TMEM132D: variants seen among roughly 807,000 people sequenced by gnomAD.
TMEM132D encodes transmembrane protein 132D.
TMEM132D carries 21 observed loss-of-function variants against 62.3 expected under a neutral mutation model. That is an observed-to-expected ratio of 0.34 (90% confidence interval 0.24 to 0.49). The LOEUF (loss-of-function observed/expected upper bound fraction) is 0.49. Among genes scored for constraint, TMEM132D ranks in the 20% least tolerant of loss-of-function variants. The pLI is 0.99. For synonymous variants in TMEM132D, 621 were observed against 575.6 expected, an observed-to-expected ratio of 1.08 and a Z score of -1.13; for missense variants, 1,346 against 1,402.8, an observed-to-expected ratio of 0.96 and a Z score of 0.65.
intron 3 of TMEM132D, among the ~76,000 whole-genome samples, chr12:129,428,016 C>A (rs1872547269): frequency 6.6e-6 from 1 of 151,974 alleles, no homozygotes; most frequent in East Asian, 1.9e-4. Flanking sequence ...TATAAAAATT[C>A]ATATATAATA....
At chr12:129,754,008 T>G (rs950147206) in intron 1 of TMEM132D, among the ~76,000 whole-genome samples, 1 of 152,186 alleles carries the variant, frequency 6.6e-6, no homozygotes, top group Non-Finnish European at 1.5e-5. Context: ...AACTTTGGCT[T>G]TTGAGTTTTA....
At chr12:129,539,410 T>C (rs564416542) in intron 2 of TMEM132D, among the ~76,000 whole-genome samples, 6 of 146,774 alleles carry the variant, frequency 4.1e-5, no homozygotes, top group African/African-American at 1.3e-4. Flanking sequence ...TTTTTCTTTT[T>C]TTTTTTTTTT....
chr12:129,566,439 G>A (rs887018142), intron 2 of TMEM132D, among the ~76,000 whole-genome samples: 1 of 117,392 alleles, frequency 8.5e-6, no homozygotes, highest in African/African-American at 3.0e-5. Context: ...TATAAAAAGA[G>A]GGGGGTCAGA....
At chr12:129,746,698 G>A (rs1430340788) in intron 1 of TMEM132D, among the ~76,000 whole-genome samples, 1 of 152,032 alleles carries the variant, frequency 6.6e-6, no homozygotes, top group Non-Finnish European at 1.5e-5. Flanking sequence ...CAGGTTTTTG[G>A]TGATAAGGGT....
chr12:129,357,958 A>T (rs1870127716), intron 3 of TMEM132D, among the ~76,000 whole-genome samples: 1 of 152,214 alleles, frequency 6.6e-6, no homozygotes, highest in South Asian at 2.1e-4. Flanking sequence ...TTATCACAGG[A>T]TTAAAGTTTC....
At chr12:129,193,774 T>C (rs1593291967) in intron 5 of TMEM132D, among the ~76,000 whole-genome samples, 1 of 152,332 alleles carries the variant, frequency 6.6e-6, no homozygotes, top group East Asian at 1.9e-4. Flanking sequence ...TCCAGGAATA[T>C]AGAAATGAGT....
chr12:129,468,795 T>C (rs979072252), intron 3 of TMEM132D, among the ~76,000 whole-genome samples: 3 of 152,346 alleles, frequency 2.0e-5, no homozygotes, highest in East Asian at 1.9e-4. Context: ...TTCTAAGTGC[T>C]CCAAGCTGAA....
At position 129,725,014 on chromosome 12, in the gene TMEM132D, C is replaced by A. The variant is rs140532111; in HGVS notation, c.80-24316G>T. Among the ~76,000 whole-genome samples, 1,233 of 152,260 alleles carry A rather than the reference C, an allele frequency of 8.1e-3. 21 individuals are homozygous for A. The highest frequency in any genetic ancestry group is 0.028 in the African/African-American group (1,166 of 41,538). On this transcript the variant is annotated intron_variant, in intron 1 of 8. Transcript: ENST00000422113. ...ACTACTTCCAGGCCTGGCCCCAGAGCCCCTGGGCTACCCTCTGGTTGTCTC... is the reference window on the plus strand; with the variant it reads ...ACTACTTCCAGGCCTGGCCCCAGAGACCCTGGGCTACCCTCTGGTTGTCTC...
intron 5 of TMEM132D, among the ~76,000 whole-genome samples, chr12:129,094,092 A>G (rs1163663752): frequency 6.6e-6 from 1 of 152,088 alleles, no homozygotes; most frequent in Non-Finnish European, 1.5e-5. Flanking sequence ...AAGAAAACCT[A>G]GGCTTTACCA....
At chr12:129,575,203 T>C (rs1298382185) in intron 2 of TMEM132D, among the ~76,000 whole-genome samples, 1 of 151,798 alleles carries the variant, frequency 6.6e-6, no homozygotes, top group African/African-American at 2.4e-5. Context: ...GAATACAGTA[T>C]CTAATACATA....
chr12:129,851,585 G>A (rs1276918854), intron 1 of TMEM132D, among the ~76,000 whole-genome samples: 1 of 152,108 alleles, frequency 6.6e-6, no homozygotes, highest in African/African-American at 2.4e-5. Flanking sequence ...CAAAGTGTTA[G>A]CAGTAGTAAA....
intron 3 of TMEM132D, among the ~76,000 whole-genome samples, chr12:129,377,435 G>A (rs896557363): frequency 6.6e-6 from 1 of 152,162 alleles, no homozygotes; most frequent in African/African-American, 2.4e-5. Context: ...GTCAAGGGGA[G>A]GTCTTAGAGA....
chr12:129,631,373 C>T (rs999399341), intron 2 of TMEM132D, among the ~76,000 whole-genome samples: 6 of 152,298 alleles, frequency 3.9e-5, no homozygotes, highest in Non-Finnish European at 7.3e-5. Flanking sequence ...AACCTGCAGT[C>T]GTAAAGCCTG....
rs377275767 is a variant in TMEM132D, at chr12:129,117,892, A to G, written c.1444-33190T>C. The stretch of plus-strand genomic sequence containing the variant: ...TTGTTAATTACTATTTGTCATAAAA[A>G]TGGGGAGTTGGTATCAACTCATGGC... On this transcript the variant is annotated intron_variant, in intron 5 of 8. Coordinates refer to ENST00000422113, the MANE Select transcript of TMEM132D (RefSeq NM_133448.3). 8.5e-5 allele frequency among the ~76,000 whole-genome samples: 13 copies of G among 152,350 alleles called. No individual in the cohort carries two copies. The South Asian group carries it at 2.7e-3, about 32-fold the overall frequency.
intron 4 of TMEM132D, among the ~76,000 whole-genome samples, chr12:129,257,998 T>C (rs142510883): frequency 1.6e-4 from 24 of 152,324 alleles, no homozygotes; most frequent in Non-Finnish European, 3.4e-4. Context: ...GGTTGGGTTA[T>C]CTATCTCTTG....
intron 1 of TMEM132D, among the ~76,000 whole-genome samples, chr12:129,813,587 A>T (rs973075792): frequency 7.4e-6 from 1 of 134,244 alleles, no homozygotes; most frequent in African/African-American, 2.7e-5. Context: ...TGCCCAGTGA[A>T]GGATGGACGG....
intron 3 of TMEM132D, among the ~76,000 whole-genome samples, chr12:129,420,669 G>A (rs1204263162): frequency 3.3e-5 from 5 of 152,096 alleles, no homozygotes; most frequent in Non-Finnish European, 2.9e-5. Flanking sequence ...CCCAACCAAC[G>A]CTCAGCAAGC....
At position 129,608,535 on chromosome 12, in the gene TMEM132D, A is replaced by G. The variant is rs567400332; in HGVS notation, c.969-77330T>C. 3.9e-5 allele frequency among the ~76,000 whole-genome samples: 6 copies of G among 152,332 alleles called. No individual in the cohort carries two copies. In the South Asian group the frequency reaches 1.2e-3, roughly 32 times the overall value. Reference sequence around the variant, plus strand: ...GATGAGAGACTGGCTTGCTCGCTGGATGGAAATGCAGTCAATTTTCTTCTG... The same window carrying G: ...GATGAGAGACTGGCTTGCTCGCTGGGTGGAAATGCAGTCAATTTTCTTCTG... On this transcript the variant is annotated intron_variant, in intron 2 of 8. Coordinates refer to ENST00000422113, the MANE Select transcript of TMEM132D (RefSeq NM_133448.3).
intron 1 of TMEM132D, among the ~76,000 whole-genome samples, chr12:129,835,724 C>G (rs1872985046): frequency 6.6e-6 from 1 of 152,196 alleles, no homozygotes; most frequent in Admixed American, 6.5e-5. Flanking sequence ...ACATCTGTGG[C>G]ACACCTAATA....
Sources: allele counts gnomAD v4.1 joint callset (sites outside exome capture counted in the v4.1 genomes callset), GRCh38; gene constraint gnomAD v4.1.1; transcripts MANE v1.5; gene names NCBI Gene and HGNC (gene_info 2026-07-23, HGNC 2026-07-21).